ADAMDEC1: variants seen among roughly 807,000 people sequenced by gnomAD.
The protein encoded by ADAMDEC1 is ADAM like decysin 1, also known as ADAM DEC1.
Under a neutral mutation model 60.4 loss-of-function variants are expected in ADAMDEC1, and 62 were observed. The ratio of observed to expected loss-of-function variants is 1.03; its 90% CI spans 0.84 to 1.27. ADAMDEC1 has a LOEUF of 1.27. Ranked by LOEUF, ADAMDEC1 falls within the 50% of genes most tolerant of loss-of-function variation. ADAMDEC1 has a pLI of 0.00. For synonymous variants in ADAMDEC1, 210 were observed against 195.1 expected, an observed-to-expected ratio of 1.08 and a Z score of -0.64; for missense variants, 595 against 565.0, an observed-to-expected ratio of 1.05 and a Z score of -0.54.
rs1401133970 is a variant in ADAMDEC1, at chr8:24,397,411, G to C, written c.582G>C (p.Gly194=). 6.2e-7 allele frequency: 1 copy of C among 1,613,870 alleles called. No individual in the cohort carries two copies. The highest frequency in any genetic ancestry group is 1.3e-5 in the African/African-American group (1 of 74,910). The change falls in exon 6 of 14, where the codon GGG becomes GGC. Residue 194 remains glycine (G), a synonymous_variant. Coordinates refer to ENST00000256412, the MANE Select transcript of ADAMDEC1 (RefSeq NM_014479.3). ...NHTCGVKSTD[G]KQGPIRISRS... ...CATGTGGTGTGAAGAGCACTGACGG[G>C]AAACAAGGCCCAATTCGAATCTCTA...
intron 3 of ADAMDEC1, 74 bp downstream of exon 3, chr8:24,393,412 AT>A: frequency 9.4e-7 from 1 of 1,063,150 alleles, no homozygotes; most frequent in Non-Finnish European, 1.4e-6. Flanking sequence ...TTGAGGCTCC[AT>A]TTAGTGTGGT....
intron 1 of ADAMDEC1, among the ~76,000 whole-genome samples, chr8:24,389,295 T>C (rs2129357549): frequency 6.6e-6 from 1 of 152,322 alleles, no homozygotes; most frequent in East Asian, 1.9e-4. Flanking sequence ...CAATTCTGTT[T>C]GCTCAAGGCA....
intron 5 of ADAMDEC1, 56 bp downstream of exon 5, chr8:24,395,852 T>C: frequency 7.6e-7 from 1 of 1,310,788 alleles, no homozygotes; most frequent in Non-Finnish European, 1.1e-6. Flanking sequence ...TACACAGAAT[T>C]AAGGGCTACT....
At chr8:24,397,633 C>A (rs757397346) in intron 6 of ADAMDEC1, 50 bp from the exon 7 acceptor site, 2 of 1,561,008 alleles carry the variant, frequency 1.3e-6, no homozygotes, top group East Asian at 2.3e-5. Context: ...GCTTTGGAAT[C>A]TTTTAGGATA....
In ADAMDEC1 at chr8:24,397,382, C is replaced by T. The variant is rs1350580727; in HGVS notation, c.553C>T (p.His185Tyr). 6.2e-7 allele frequency: 1 copy of T among 1,614,068 alleles called. No homozygotes were observed. The highest frequency in any genetic ancestry group is 1.7e-5 in the Admixed American group (1 of 60,006). ...CCAGGAGGAACAAGACCCAGCTAAC[C>T]ACACATGTGGTGTGAAGAGCACTGA... is the stretch of plus-strand genomic sequence containing the variant. ...SNQEEQDPAN[H>Y]TCGVKSTDGK... is the part of the protein sequence containing the mutation. Residue 185 changes from histidine (H) to tyrosine (Y), a missense_variant, in exon 6 of 14, where the codon CAC becomes TAC. His to Tyr is a moderately conservative substitution (Grantham distance 83). Coordinates refer to ENST00000256412, the MANE Select transcript of ADAMDEC1 (RefSeq NM_014479.3).
intron 1 of ADAMDEC1, 149 bp downstream of exon 1, chr8:24,384,741 G>A: frequency 1.5e-6 from 1 of 649,792 alleles, no homozygotes; most frequent in African/African-American, 1.9e-5. Context: ...CTCTGCAAAA[G>A]CGAACTATAT....
At chr8:24,405,076 T>C (rs1331995365) in intron 13 of ADAMDEC1, among the ~76,000 whole-genome samples, 1 of 152,196 alleles carries the variant, frequency 6.6e-6, no homozygotes, top group Non-Finnish European at 1.5e-5. Flanking sequence ...GAAACTAAAA[T>C]TCTAGTCTTT....
intron 1 of ADAMDEC1, among the ~76,000 whole-genome samples, chr8:24,392,050 T>C (rs1817457631): frequency 6.6e-6 from 1 of 151,946 alleles, no homozygotes; most frequent in Non-Finnish European, 1.5e-5. Flanking sequence ...TTCATGTCTT[T>C]TCAGAATAGT....
intron 12 of ADAMDEC1, among the ~76,000 whole-genome samples, chr8:24,402,400 T>A (rs925585670): frequency 1.3e-5 from 2 of 152,156 alleles, no homozygotes; most frequent in Admixed American, 6.6e-5. Context: ...TCACAGTTGA[T>A]CATCTGTTGA....
chr8:24,397,942 G>GA (rs139367102), intron 7 of ADAMDEC1, among the ~76,000 whole-genome samples, 197 bp downstream of exon 7: 2,594 of 151,888 alleles, frequency 0.017, 77 homozygotes, highest in African/African-American at 0.06. Flanking sequence ...AAAATATTTA[G>GA]TATTGGCAAT....
At chr8:24,403,412 G>C (rs1001249271) in intron 12 of ADAMDEC1, among the ~76,000 whole-genome samples, 1 of 151,434 alleles carries the variant, frequency 6.6e-6, no homozygotes, top group African/African-American at 2.4e-5. Context: ...ATTTCTCCCA[G>C]GCATCACACT....
At position 24,394,136 on chromosome 8, in the gene ADAMDEC1, C is replaced by T. The variant is rs757735861; in HGVS notation, c.352C>T (p.Pro118Ser). ...SPRGEEITTK[P>S]ENMEHCYYKG... ...CAGAGGAGAGGAAATTACCACGAAACCTGAGAACATGGTAGGGTCCGAATA... is the reference window on the plus strand; with the variant it reads ...CAGAGGAGAGGAAATTACCACGAAATCTGAGAACATGGTAGGGTCCGAATA... The change falls in exon 4 of 14, where the codon CCT becomes TCT. Residue 118 changes from proline to serine, a missense_variant. By Grantham distance (74) the Pro-to-Ser change is moderately conservative. Transcript: ENST00000256412. 5.6e-6 allele frequency: 9 copies of T among 1,611,042 alleles called. No homozygotes were observed. The highest frequency in any genetic ancestry group is 1.3e-5 in the African/African-American group (1 of 74,944).
At position 24,392,386 on chromosome 8, in the gene ADAMDEC1, C is replaced by A; in HGVS notation, c.207+6C>A. On this transcript the variant is annotated splice_donor_region_variant and intron_variant, in intron 2 of 13. Transcript: ENST00000256412. ...CAGAAAAGCATGGCAAAGAGGTAAG[C>A]AAGGTGAATGACCGTGGTAGATGTT... 6.3e-7 allele frequency: 1 copy of A among 1,583,354 alleles called. No individual in the cohort carries two copies. The highest frequency in any genetic ancestry group is 1.1e-5 in the South Asian group (1 of 88,588).
chr8:24,396,699 G>A (rs908115616), intron 5 of ADAMDEC1, among the ~76,000 whole-genome samples: 1 of 151,986 alleles, frequency 6.6e-6, no homozygotes, highest in Non-Finnish European at 1.5e-5. Context: ...CACACGACAA[G>A]TTCTTCACAT....
intron 1 of ADAMDEC1, 53 bp downstream of exon 1, chr8:24,384,645 G>C (rs1175819768): frequency 1.1e-5 from 17 of 1,483,366 alleles, no homozygotes; most frequent in Non-Finnish European, 9.2e-7. Context: ...TTTGATGAAT[G>C]TTTAAAGTGC....
At chr8:24,398,644 T>C in intron 8 of ADAMDEC1, 93 bp downstream of exon 8, 1 of 1,066,304 alleles carries the variant, frequency 9.4e-7, no homozygotes, top group Non-Finnish European at 1.4e-6. Flanking sequence ...GTTAAAAAGA[T>C]CCCAAATGTC....
intron 1 of ADAMDEC1, among the ~76,000 whole-genome samples, chr8:24,390,793 TTTTA>T (rs1817425528): frequency 6.6e-6 from 1 of 152,148 alleles, no homozygotes; most frequent in Non-Finnish European, 1.5e-5. Flanking sequence ...TTTATTTTTT[TTTTA>T]TTTGTTTTTT....
In ADAMDEC1 at chr8:24,403,991, T is replaced by G. The variant is rs1817827878; in HGVS notation, c.1321-12T>G. 6.2e-7 allele frequency: 1 copy of G among 1,611,316 alleles called. No individual in the cohort carries two copies. The highest frequency in any genetic ancestry group is 1.3e-5 in the African/African-American group (1 of 74,998). ...TGAACCCACCTTTTTCCATTGTGTG[T>G]GTGCTTTGAAGGAGTGTACCAATCT... On this transcript the variant is annotated splice_polypyrimidine_tract_variant and intron_variant, in intron 12 of 13. Coordinates refer to ENST00000256412, the MANE Select transcript of ADAMDEC1 (RefSeq NM_014479.3).
rs147097880 is a variant in ADAMDEC1, at chr8:24,384,490, G to T, written c.-15G>T. 1,506 of 1,592,866 alleles carry T rather than the reference G, an allele frequency of 9.5e-4. 9 individuals carry two copies. The African/African-American group carries it at 0.016, about 16-fold the overall frequency. On this transcript the variant is annotated 5_prime_UTR_variant, in exon 1 of 14. Coordinates refer to ENST00000256412, the MANE Select transcript of ADAMDEC1 (RefSeq NM_014479.3). ...TGGAGAAGATAAAACTGGACACTGG[G>T]GAGACCACAACTTCATGCTGCGTGG...
Sources: allele counts gnomAD v4.1 joint callset (sites outside exome capture counted in the v4.1 genomes callset), GRCh38; gene constraint gnomAD v4.1.1; transcripts MANE v1.5; gene names NCBI Gene and HGNC (gene_info 2026-07-23, HGNC 2026-07-21).